The following ABLIM3 variants were observed in gnomAD, a reference collection of about 807,000 sequenced individuals.
ABLIM3 encodes the protein actin binding LIM protein family member 3, also known as actin-binding LIM protein 3.
ABLIM3 carries 61 observed loss-of-function variants against 109.5 expected under a neutral mutation model. That is an observed-to-expected ratio of 0.56 (90% CI 0.45 to 0.69). The LOEUF is 0.69. ABLIM3 is among the 30% of genes least tolerant of loss of function. ABLIM3 has a pLI of 0.00. For synonymous variants in ABLIM3, 300 were observed against 324.8 expected, an observed-to-expected ratio of 0.92 and a Z score of 0.82; for missense variants, 796 against 889.5, an observed-to-expected ratio of 0.89 and a Z score of 1.34.
At chr5:149,250,885 A>T (rs1753856440) in intron 20 of ABLIM3, among the ~76,000 whole-genome samples, 1 of 152,246 alleles carries the variant, frequency 6.6e-6, no homozygotes, top group African/African-American at 2.4e-5. Context: ...AACAAGAAGT[A>T]GTAGAGCCAG....
At position 149,239,249 on chromosome 5, in the gene ABLIM3, C is replaced by T. The variant is rs182108335; in HGVS notation, c.1046C>T (p.Ser349Leu). ...EMLERCGYGE[S>L]LGTLSPYSQD... The stretch of plus-strand genomic sequence containing the variant: ...GCCTTCAAACTCTTCACTTCTAAGT[C>T]GCTGGGAACATTATCTCCCTACTCC... The change falls in exon 12 of 24, where the codon TCG (serine) becomes TTG (leucine). Residue 349 changes from serine (S) to leucine (L), a missense_variant and splice_region_variant. Transcript: ENST00000309868. The T allele has an allele frequency of 3.1e-4, 502 of 1,614,018 alleles. 3 individuals are homozygous for T. In the South Asian group the frequency reaches 4.2e-3, roughly 14 times the overall value.
chr5:149,257,774 G>T (rs1040438605), intron 23 of ABLIM3, among the ~76,000 whole-genome samples: 3 of 152,166 alleles, frequency 2.0e-5, no homozygotes, highest in African/African-American at 7.2e-5. Context: ...AAGATAAAAG[G>T]ACATTTTGGT....
At chr5:149,151,657 GGTCCC>G (rs1250792505) in intron 2 of ABLIM3, among the ~76,000 whole-genome samples, 1 of 152,196 alleles carries the variant, frequency 6.6e-6, no homozygotes, top group African/African-American at 2.4e-5. Flanking sequence ...TTACATAGGA[GGTCCC>G]CACATGGGAA....
chr5:149,225,948 T>C (rs1335394924), intron 8 of ABLIM3, among the ~76,000 whole-genome samples: 2 of 139,944 alleles, frequency 1.4e-5, no homozygotes, highest in African/African-American at 2.8e-5. Flanking sequence ...TATGTATGTA[T>C]GTATATAATA....
At chr5:149,197,919 C>G (rs1287815650) in intron 3 of ABLIM3, among the ~76,000 whole-genome samples, 2 of 152,168 alleles carry the variant, frequency 1.3e-5, no homozygotes, top group Non-Finnish European at 2.9e-5. Flanking sequence ...CCCATGGAGT[C>G]TGATTCAGGC....
chr5:149,147,603 C>G (rs1450199183), intron 2 of ABLIM3, among the ~76,000 whole-genome samples: 1 of 152,162 alleles, frequency 6.6e-6, no homozygotes, highest in African/African-American at 2.4e-5. Context: ...CTACACTATT[C>G]AAACCTATGT....
chr5:149,158,618 A>G (rs1489254263), intron 2 of ABLIM3, among the ~76,000 whole-genome samples: 1 of 152,236 alleles, frequency 6.6e-6, no homozygotes, highest in Non-Finnish European at 1.5e-5. Flanking sequence ...CTAGTCAACC[A>G]TCACTAGTAC....
At chr5:149,204,816 C>A (rs1411931314) in intron 5 of ABLIM3, among the ~76,000 whole-genome samples, 1 of 152,180 alleles carries the variant, frequency 6.6e-6, no homozygotes, top group Admixed American at 6.5e-5. Context: ...GGCCAATTTC[C>A]CACTGCTCAC....
Position 149,152,005 on chromosome 5 carries a change from C to T in ABLIM3, c.13+9897C>T, listed in dbSNP as rs112140995. Among the ~76,000 whole-genome samples the T allele has an allele frequency of 1.6e-3, 242 of 152,264 alleles. 1 individual carries two copies. Among genetic ancestry groups the T allele is most frequent in the African/African-American group, 5.8e-3 (239 of 41,558 alleles). On this transcript the variant is annotated intron_variant, in intron 2 of 23. Transcript: ENST00000309868. ...TGGTGGCCAATGTAAAGGGACACGTCTTATTTGCCCTACACCAGGTTTTTA... is the reference window on the plus strand; with the variant it reads ...TGGTGGCCAATGTAAAGGGACACGTTTTATTTGCCCTACACCAGGTTTTTA...
intron 2 of ABLIM3, 53 bp downstream of exon 2, chr5:149,142,161 T>C: frequency 6.4e-7 from 1 of 1,567,680 alleles, no homozygotes; most frequent in Non-Finnish European, 8.8e-7. Context: ...GGGCGGGAGG[T>C]GAGGGAGCCT....
chr5:149,160,851 A>G (rs1754292693), intron 2 of ABLIM3, among the ~76,000 whole-genome samples: 1 of 152,194 alleles, frequency 6.6e-6, no homozygotes, highest in African/African-American at 2.4e-5. Flanking sequence ...ACTGTCTAAC[A>G]TGGGGGAATT....
chr5:149,182,326 G>A (rs1291382752), intron 2 of ABLIM3, among the ~76,000 whole-genome samples: 2 of 152,184 alleles, frequency 1.3e-5, no homozygotes, highest in East Asian at 3.8e-4. Flanking sequence ...CTCCTAATAA[G>A]GTATGAGCAG....
Position 149,258,724 on chromosome 5 carries a change from T to C in ABLIM3, c.*320T>C. 9.8e-7 allele frequency: 1 copy of C among 1,023,646 alleles called. No individual in the cohort carries two copies. Among genetic ancestry groups the C allele is most frequent in the Non-Finnish European group, 1.2e-6 (1 of 855,452 alleles). 63.4% of individuals were successfully genotyped at this position (1,023,646 alleles called of 1,614,324 possible). A position where few individuals can be genotyped will look rare whatever the true frequency, so the allele number is the denominator to read the frequency against. On this transcript the variant is annotated 3_prime_UTR_variant, in exon 24 of 24. Coordinates refer to ENST00000309868, the MANE Select transcript of ABLIM3 (RefSeq NM_014945.5). ...TTCCTAAAGAAGGTGCCTGAAGAAG[T>C]CTCTCTTCTCTCTGCTTCGTGGCCC...
chr5:149,222,899 T>A (rs13361543), intron 8 of ABLIM3, among the ~76,000 whole-genome samples: 2,341 of 152,260 alleles, frequency 0.015, 63 homozygotes, highest in African/African-American at 0.054. Flanking sequence ...TATAATTTCG[T>A]AGTTTAGCAT....
intron 2 of ABLIM3, among the ~76,000 whole-genome samples, chr5:149,142,919 T>C (rs1752612091): frequency 1.3e-5 from 2 of 152,108 alleles, no homozygotes; most frequent in African/African-American, 4.8e-5. Flanking sequence ...TCTTGTCAGC[T>C]TGGCCTGTCT....
intron 2 of ABLIM3, among the ~76,000 whole-genome samples, chr5:149,166,356 T>G (rs900459405): frequency 3.9e-5 from 6 of 152,220 alleles, no homozygotes; most frequent in Non-Finnish European, 8.8e-5. Context: ...CTTGGCATAG[T>G]GATCATGCAG....
At chr5:149,196,717 A>T (rs1470920920) in intron 3 of ABLIM3, among the ~76,000 whole-genome samples, 1 of 152,202 alleles carries the variant, frequency 6.6e-6, no homozygotes, top group Non-Finnish European at 1.5e-5. Context: ...TGATTGGTAC[A>T]TTCAGTGGGT....
chr5:149,240,746 C>T lies in ABLIM3; in HGVS notation c.1275C>T (p.Tyr425=). 3.1e-6 allele frequency: 5 copies of T among 1,614,198 alleles called. No homozygotes were observed. Among genetic ancestry groups the T allele is most frequent in the Non-Finnish European group, 4.2e-6 (5 of 1,180,044 alleles). ...TGAGGTCCTCCACTCCAACCTCTTA[C>T]CAGGCTCCCAAGCACTTTCACATCC... The part of the protein sequence containing the change: ...LDVRSSTPTS[Y]QAPKHFHIPA... Residue 425 remains tyrosine (Y), a synonymous_variant, in exon 14 of 24, where the codon TAC becomes TAT. Coordinates refer to ENST00000309868, the MANE Select transcript of ABLIM3 (RefSeq NM_014945.5).
chr5:149,179,608 A>T (rs1337205909), intron 2 of ABLIM3, among the ~76,000 whole-genome samples: 4 of 146,552 alleles, frequency 2.7e-5, no homozygotes, highest in East Asian at 2.0e-4. Flanking sequence ...TAATTTGTAC[A>T]TTTTTTTTTT....
Sources: gnomAD v4.1 joint callset for allele counts (sites outside exome capture counted in the v4.1 genomes callset) on GRCh38, gnomAD v4.1.1 for gene constraint, MANE v1.5 for transcripts, NCBI Gene and HGNC (gene_info 2026-07-23, HGNC 2026-07-21) for gene names.